Variants in SLC28A3 observed in about 807,000 individuals in gnomAD.
SLC28A3 encodes solute carrier family 28 member 3.
SLC28A3 carries 68 observed loss-of-function variants against 84.2 expected under a neutral mutation model. That is an observed-to-expected ratio of 0.81 (90% confidence interval 0.66 to 0.99). SLC28A3 has a LOEUF of 0.99. Among genes scored for constraint, SLC28A3 ranks in the 50% least tolerant of loss-of-function variants. The pLI, the probability that SLC28A3 is intolerant of heterozygous loss-of-function variation, is 0.00. For synonymous variants in SLC28A3, 267 were observed against 303.6 expected (o/e 0.88, Z 1.25); for missense variants, 712 against 841.5 (o/e 0.85, Z 1.90).
chr9:84,345,124 A>C (rs986274918), upstream of SLC28A3, among the ~76,000 whole-genome samples: 1 of 152,118 alleles, frequency 6.6e-6, no homozygotes, highest in African/African-American at 2.4e-5. Flanking sequence ...ACATCACCCA[A>C]ATTTTATGAT....
chr9:84,315,000 C>T (rs1342737704), intron 1 of SLC28A3, among the ~76,000 whole-genome samples: 2 of 152,158 alleles, frequency 1.3e-5, no homozygotes, highest in Non-Finnish European at 2.9e-5. Context: ...TTGCTTGAAC[C>T]TGGGAGGCAG....
chr9:84,333,822 G>A (rs1826872449), intron 1 of SLC28A3, among the ~76,000 whole-genome samples: 1 of 152,188 alleles, frequency 6.6e-6, no homozygotes, highest in African/African-American at 2.4e-5. Flanking sequence ...ATTTATTACA[G>A]ATACTCCCCC....
chr9:84,347,227 A>G, the SLC28A3 span, among the ~76,000 whole-genome samples: 6,923 of 131,778 alleles, frequency 0.053, 468 homozygotes, highest in East Asian at 0.18. Flanking sequence ...AAAAAAAAAA[A>G]AAGGGAAGAA....
chr9:84,351,681 T>A, the SLC28A3 span, among the ~76,000 whole-genome samples: 2 of 147,992 alleles, frequency 1.4e-5, no homozygotes, highest in Non-Finnish European at 3.0e-5. Context: ...TAAATTAAAT[T>A]AAATTAAATT....
At chr9:84,310,680 T>A in intron 2 of SLC28A3, 1 of 786,874 alleles carries the variant, frequency 1.3e-6, no homozygotes, top group Non-Finnish European at 1.5e-6. Context: ...CAAACTCCAT[T>A]GTTCTTCTGA....
intron 11 of SLC28A3, 73 bp downstream of exon 11, chr9:84,290,081 A>G: frequency 6.4e-7 from 1 of 1,558,270 alleles, no homozygotes; most frequent in Non-Finnish European, 8.7e-7. Flanking sequence ...TCCACCAGCA[A>G]TGGAAAAGAA....
At chr9:84,282,284 C>CT (rs527862557) in intron 14 of SLC28A3, among the ~76,000 whole-genome samples, 6,319 of 144,770 alleles carry the variant, frequency 0.044, 408 homozygotes, top group East Asian at 0.31. Context: ...TGAGGAAAAC[C>CT]TTTTTTTTTT....
chr9:84,353,659 G>A, the SLC28A3 span, among the ~76,000 whole-genome samples: 3 of 152,100 alleles, frequency 2.0e-5, no homozygotes, highest in South Asian at 2.1e-4. Context: ...GCAATGAGCC[G>A]AGACTGAGCC....
intron 1 of SLC28A3, among the ~76,000 whole-genome samples, chr9:84,327,654 C>A (rs909631929): frequency 3.9e-5 from 6 of 152,120 alleles, no homozygotes; most frequent in East Asian, 3.9e-4. Flanking sequence ...TGGATGGGTG[C>A]GGTGGCTAAT....
intron 3 of SLC28A3, among the ~76,000 whole-genome samples, chr9:84,309,198 C>G (rs1179329033): frequency 6.6e-6 from 1 of 151,862 alleles, no homozygotes; most frequent in Non-Finnish European, 1.5e-5. Context: ...TGGGTGGTGA[C>G]AATCTCTAAT....
chr9:84,276,569 C>T lies in SLC28A3; in HGVS notation c.*1649G>A, dbSNP rs927927831. Reference sequence around the variant, plus strand: ...TGTGGGGTATGATGAACCAGGACACCAAACATTGAGAATGGGGGGAAAACA... The same window carrying T: ...TGTGGGGTATGATGAACCAGGACACTAAACATTGAGAATGGGGGGAAAACA... On this transcript the variant is annotated 3_prime_UTR_variant, in exon 18 of 18. Transcript: ENST00000376238. The T allele has an allele frequency of 6.6e-6, 1 of 151,988 alleles. No homozygotes were observed. The highest frequency in any genetic ancestry group is 1.5e-5 in the Non-Finnish European group (1 of 68,000). The allele number at this position is 151,988 out of a possible 1,614,324, so 9.4% of individuals were successfully genotyped here.
At chr9:84,364,229 A>C in the SLC28A3 span, among the ~76,000 whole-genome samples, 3 of 150,002 alleles carry the variant, frequency 2.0e-5, no homozygotes, top group Admixed American at 6.7e-5. Flanking sequence ...GGTTCAAGCA[A>C]TTCTCCTGCC....
chr9:84,314,519 C>T (rs754355904), intron 1 of SLC28A3, among the ~76,000 whole-genome samples: 1 of 152,068 alleles, frequency 6.6e-6, no homozygotes, highest in Non-Finnish European at 1.5e-5. Flanking sequence ...CTGACTGGCC[C>T]CAGGAATCCA....
chr9:84,338,796 C>A (rs1461816616), intron 1 of SLC28A3, among the ~76,000 whole-genome samples: 1 of 152,134 alleles, frequency 6.6e-6, no homozygotes, highest in Non-Finnish European at 1.5e-5. Context: ...TCACTTAGCC[C>A]TTAGAGAAGA....
chr9:84,305,847 G>C (rs1465230824), intron 3 of SLC28A3, among the ~76,000 whole-genome samples: 1 of 152,196 alleles, frequency 6.6e-6, no homozygotes, highest in Admixed American at 6.5e-5. Context: ...TGGACCTCAT[G>C]GGGTGTGCTT....
chr9:84,277,196 C>T lies in SLC28A3; in HGVS notation c.*1022G>A, dbSNP rs1251686520. The stretch of plus-strand genomic sequence containing the variant: ...TTACCAAATGTGCAGATGAATAGGC[C>T]TACCGTTATGGCCTACAACAGGATG... On this transcript the variant is annotated 3_prime_UTR_variant, in exon 18 of 18. Coordinates refer to ENST00000376238, the MANE Select transcript of SLC28A3 (RefSeq NM_001199633.2). 2 of 152,206 alleles carry T rather than the reference C, an allele frequency of 1.3e-5. No individual in the cohort carries two copies. Among genetic ancestry groups the T allele is most frequent in the East Asian group, 3.8e-4 (2 of 5,196 alleles). The allele number at this position is 152,206 out of a possible 1,614,324, so 9.4% of individuals were successfully genotyped here. A position where few individuals can be genotyped will look rare whatever the true frequency, so the allele number is the denominator to read the frequency against.
the SLC28A3 span, among the ~76,000 whole-genome samples, chr9:84,350,135 A>T: frequency 1.3e-5 from 2 of 152,198 alleles, no homozygotes; most frequent in African/African-American, 4.8e-5. Flanking sequence ...TAAACATAGA[A>T]AAGGTATAGT....
At chr9:84,307,049 C>T (rs1275669939) in intron 3 of SLC28A3, among the ~76,000 whole-genome samples, 1 of 146,772 alleles carries the variant, frequency 6.8e-6, no homozygotes, top group Non-Finnish European at 1.5e-5. Flanking sequence ...AACCTGTGGT[C>T]CCAGCTGCAT....
rs113128132 is a variant in SLC28A3 at position 84,320,216 on chromosome 9, A to ATTTT, written c.61-6766_61-6763dup. Among the ~76,000 whole-genome samples, 124 of 147,744 alleles carry ATTTT rather than the reference A, an allele frequency of 8.4e-4. 1 individual carries two copies. Among genetic ancestry groups the ATTTT allele is most frequent in the African/African-American group, 3.0e-3 (120 of 40,486 alleles). ...AGGCACACGCCACCACACCCTGCTC[A>ATTTT]TTTTTTTTTTGTATTTTTAGTAGAG... On this transcript the variant is annotated intron_variant, in intron 1 of 17. Transcript: ENST00000376238.
Sources: allele counts gnomAD v4.1 joint callset (sites outside exome capture counted in the v4.1 genomes callset), GRCh38; gene constraint gnomAD v4.1.1; transcripts MANE v1.5; gene names NCBI Gene and HGNC (gene_info 2026-07-23, HGNC 2026-07-21).